Variants in CRACR2A observed in about 807,000 individuals in gnomAD.
CRACR2A encodes EF-hand calcium-binding domain-containing protein 4B.
A neutral mutation model predicts 90.5 loss-of-function variants in CRACR2A; 79 were observed. The observed-to-expected ratio is 0.87, with a 90% CI of 0.73 to 1.05. The LOEUF (loss-of-function observed/expected upper bound fraction) is 1.05, where lower values mean the gene tolerates loss of function less well. Among genes scored for constraint, CRACR2A ranks in the 50% least tolerant of loss-of-function variants. The pLI is 0.00. For missense variants in CRACR2A, 823 were observed against 897.2 expected (o/e 0.92, Z 1.06); for synonymous variants, 338 against 356.7 (o/e 0.95, Z 0.59).
chr12:3,642,316 A>C (rs1269200765), intron 12 of CRACR2A, among the ~76,000 whole-genome samples: 5 of 152,178 alleles, frequency 3.3e-5, no homozygotes, highest in African/African-American at 1.2e-4. Flanking sequence ...TCCTGCACTC[A>C]AGCAATCCTC....
At chr12:3,659,942 G>C (rs1032377413) in intron 7 of CRACR2A, among the ~76,000 whole-genome samples, 2 of 152,130 alleles carry the variant, frequency 1.3e-5, no homozygotes, top group Admixed American at 6.5e-5. Context: ...TATGCTCCTC[G>C]GTGAAGCTTC....
chr12:3,743,721 C>G (rs556971808), intron 1 of CRACR2A, among the ~76,000 whole-genome samples: 2 of 152,292 alleles, frequency 1.3e-5, no homozygotes, highest in East Asian at 3.9e-4. Context: ...ATGAAGCATG[C>G]AGCCCACCCA....
intron 3 of CRACR2A, among the ~76,000 whole-genome samples, chr12:3,712,216 G>A (rs891228452): frequency 7.7e-6 from 1 of 129,420 alleles, no homozygotes; most frequent in Non-Finnish European, 1.6e-5. Flanking sequence ...ACCTTGGGAA[G>A]TTGGCCATTT....
intron 1 of CRACR2A, among the ~76,000 whole-genome samples, chr12:3,738,224 A>G (rs1315725571): frequency 6.6e-6 from 1 of 152,240 alleles, no homozygotes; most frequent in African/African-American, 2.4e-5. Context: ...CCTTACCACT[A>G]GAAACTACTA....
Position 3,630,515 on chromosome 12 carries a change from T to C in CRACR2A, c.1736-2809A>G, listed in dbSNP as rs568256225. ...GCAGGGGCATTCTTCCAGAAACAGC[T>C]TCTGGAAGAAACACCTTGGATTCTG... On this transcript the variant is annotated intron_variant, in intron 15 of 19. Transcript: ENST00000440314. Among the ~76,000 whole-genome samples, 6 of 152,248 alleles carry C rather than the reference T, an allele frequency of 3.9e-5. No individual in the cohort carries two copies. In the South Asian group the frequency reaches 1.2e-3, roughly 32 times the overall value.
At chr12:3,621,075 G>A (rs1565460107) in intron 17 of CRACR2A, among the ~76,000 whole-genome samples, 1 of 152,244 alleles carries the variant, frequency 6.6e-6, no homozygotes, top group Non-Finnish European at 1.5e-5. Flanking sequence ...CAAGCGGCTT[G>A]CTGTTTAGAG....
At chr12:3,616,315 A>G (rs1487339000) in intron 19 of CRACR2A, among the ~76,000 whole-genome samples, 1 of 152,270 alleles carries the variant, frequency 6.6e-6, no homozygotes, top group Non-Finnish European at 1.5e-5. Context: ...GGACGGATGA[A>G]TAGATGGAAT....
At chr12:3,623,775 T>G (rs17770282) in intron 17 of CRACR2A, among the ~76,000 whole-genome samples, 15,033 of 152,156 alleles carry the variant, frequency 0.099, 803 homozygotes, top group Middle Eastern at 0.16. Context: ...CAAGGTAAAG[T>G]TGCCTAGACT....
chr12:3,723,453 G>A (rs1385083593), intron 2 of CRACR2A, among the ~76,000 whole-genome samples: 1 of 152,098 alleles, frequency 6.6e-6, no homozygotes, highest in African/African-American at 2.4e-5. Context: ...GTGGTGGGGG[G>A]TTTGGAAACT....
chr12:3,635,703 C>T (rs1189911251), intron 14 of CRACR2A, among the ~76,000 whole-genome samples: 6 of 152,056 alleles, frequency 3.9e-5, no homozygotes, highest in Admixed American at 1.3e-4. Context: ...ACTGGGTCTT[C>T]CCATGTTGCT....
At position 3,711,871 on chromosome 12, in the gene CRACR2A, G is replaced by A. The variant is rs554591397; in HGVS notation, c.-37+1366C>T. On this transcript the variant is annotated intron_variant, in intron 3 of 19. Coordinates refer to ENST00000440314, the MANE Select transcript of CRACR2A (RefSeq NM_001144958.2). This position sits in a 1 kb window ranked among gnomAD's most constrained non-coding sequence, Gnocchi z 4.3. ...GGTGGAATAAAAGGCCATCCAAAGG[G>A]CTAAATTTTGACATTTTCTCCAAAC... 5.8e-4 allele frequency among the ~76,000 whole-genome samples: 89 copies of A among 152,272 alleles called. 3 individuals are homozygous for A. In the South Asian group the frequency reaches 0.018, roughly 31 times the overall value.
Position 3,633,833 on chromosome 12 carries a change from T to C in CRACR2A, c.1603-97A>G. On this transcript the variant is annotated intron_variant, in intron 14 of 19. Coordinates refer to ENST00000440314, the MANE Select transcript of CRACR2A (RefSeq NM_001144958.2). The surrounding 1 kb of genome is among the most constrained non-coding windows in gnomAD (Gnocchi z 4.5). ...CCTTTACCCATCCCTACAGTGGCCCTCAGGAGGTGCAGACCGGCCTCTAGA... is the reference window on the plus strand; with the variant it reads ...CCTTTACCCATCCCTACAGTGGCCCCCAGGAGGTGCAGACCGGCCTCTAGA... The C allele has an allele frequency of 6.6e-7, 1 of 1,504,604 alleles. No individual in the cohort carries two copies. Among genetic ancestry groups the C allele is most frequent in the Non-Finnish European group, 8.9e-7 (1 of 1,118,926 alleles). The allele number at this position is 1,504,604 out of a possible 1,614,324, so 93.2% of individuals were successfully genotyped here. A position where few individuals can be genotyped will look rare whatever the true frequency, so the allele number is the denominator to read the frequency against.
intron 6 of CRACR2A, among the ~76,000 whole-genome samples, chr12:3,678,463 C>T (rs112954811): frequency 7.2e-5 from 11 of 152,258 alleles, no homozygotes; most frequent in African/African-American, 2.4e-4. Context: ...GCTGGGGCAG[C>T]TGGGAGGCAC....
intron 1 of CRACR2A, among the ~76,000 whole-genome samples, chr12:3,742,611 C>A (rs549898304): frequency 2.6e-5 from 4 of 152,304 alleles, no homozygotes; most frequent in Admixed American, 2.0e-4. Context: ...GAGAGTGTGA[C>A]CCTTACAAAT....
At position 3,710,686 on chromosome 12, in the gene CRACR2A, G is replaced by A. The variant is rs1262431184; in HGVS notation, c.-37+2551C>T. On this transcript the variant is annotated intron_variant, in intron 3 of 19. Coordinates refer to ENST00000440314, the MANE Select transcript of CRACR2A (RefSeq NM_001144958.2). The stretch of plus-strand genomic sequence containing the variant: ...TGCGTGCCTGTAATCCCAGCTACTC[G>A]GGAGGCTGAGGCAGGAGAATCGCTT... Among the ~76,000 whole-genome samples the A allele has an allele frequency of 2.0e-5, 3 of 152,010 alleles. No homozygotes were observed. The East Asian group carries it at 5.8e-4, about 29-fold the overall frequency.
At position 3,648,722 on chromosome 12, in the gene CRACR2A, T is replaced by G. The variant is rs1944739358; in HGVS notation, c.1047-109A>C. ...ATGCCGTGCTGGGGATGGAGGGCATTGGAGGAACGTGGCCTCCTCCTGGAG... is the reference window on the plus strand; with the variant it reads ...ATGCCGTGCTGGGGATGGAGGGCATGGGAGGAACGTGGCCTCCTCCTGGAG... On this transcript the variant is annotated intron_variant, in intron 10 of 19. Coordinates refer to ENST00000440314, the MANE Select transcript of CRACR2A (RefSeq NM_001144958.2). 3 of 1,444,408 alleles carry G rather than the reference T, an allele frequency of 2.1e-6. No homozygotes were observed. In the Admixed American group the frequency reaches 6.7e-5, roughly 32 times the overall value. The allele number at this position is 1,444,408 out of a possible 1,614,324, so 89.5% of individuals were successfully genotyped here.
intron 6 of CRACR2A, among the ~76,000 whole-genome samples, chr12:3,676,318 T>G (rs951184936): frequency 6.6e-6 from 1 of 152,188 alleles, no homozygotes; most frequent in Non-Finnish European, 1.5e-5. Flanking sequence ...TATTTCATCC[T>G]ATAGGTAAAA....
At chr12:3,676,957 A>T (rs242032) in intron 6 of CRACR2A, among the ~76,000 whole-genome samples, 57,687 of 151,976 alleles carry the variant, frequency 0.38, 11,289 homozygotes, top group Middle Eastern at 0.5. Flanking sequence ...GGCAACAACA[A>T]CTTGCCCCAG....
chr12:3,622,947 A>C (rs776038979), intron 17 of CRACR2A, among the ~76,000 whole-genome samples: 15 of 152,234 alleles, frequency 9.9e-5, no homozygotes, highest in Non-Finnish European at 2.1e-4. Context: ...CATGCTGTAC[A>C]TTGTCACCAA....
Sources: gnomAD v4.1 joint callset for allele counts (sites outside exome capture counted in the v4.1 genomes callset) on GRCh38, gnomAD v4.1.1 for gene constraint, Gnocchi (gnomAD v3.1) non-coding constraint, MANE v1.5 for transcripts, NCBI Gene and HGNC (gene_info 2026-07-23, HGNC 2026-07-21) for gene names.